The following SBF2 variants were observed in gnomAD, a reference collection of about 807,000 sequenced individuals.
SBF2 encodes SET binding factor 2.
SBF2 carries 112 observed loss-of-function variants against 225.2 expected under a neutral mutation model. The ratio of observed to expected loss-of-function variants is 0.50; its 90% CI spans 0.43 to 0.58. The LOEUF (loss-of-function observed/expected upper bound fraction) is 0.58, where lower values mean the gene tolerates loss of function less well. Ranked by LOEUF, SBF2 falls within the 20% of genes least tolerant of loss-of-function variation. The pLI, the probability that SBF2 is intolerant of heterozygous loss-of-function variation, is 0.00. For missense variants in SBF2, 1,996 were observed against 2,206.2 expected, an observed-to-expected ratio of 0.90 and a Z score of 1.91; for synonymous variants, 763 against 773.3, an observed-to-expected ratio of 0.99 and a Z score of 0.22.
chr11:10,260,640 T>C (rs1441617143), intron 1 of SBF2, among the ~76,000 whole-genome samples: 1 of 150,242 alleles, frequency 6.7e-6, no homozygotes, highest in Non-Finnish European at 1.5e-5. Context: ...GAGGCAGAGC[T>C]TGCAGTGAGC....
chr11:10,233,372 CTG>C (rs1359764140), intron 1 of SBF2, among the ~76,000 whole-genome samples: 1 of 152,032 alleles, frequency 6.6e-6, no homozygotes, highest in African/African-American at 2.4e-5. Flanking sequence ...AGTACAAGAA[CTG>C]TGTAGTCAAT....
At chr11:10,148,442 C>T (rs1442881448) in intron 2 of SBF2, among the ~76,000 whole-genome samples, 1 of 151,982 alleles carries the variant, frequency 6.6e-6, no homozygotes, top group Non-Finnish European at 1.5e-5. Flanking sequence ...CCCAAAAGAG[C>T]AAAGAGAGAA....
chr11:10,187,753 G>A (rs1156892608), intron 2 of SBF2, among the ~76,000 whole-genome samples: 1 of 151,502 alleles, frequency 6.6e-6, no homozygotes, highest in Non-Finnish European at 1.5e-5. Context: ...TGTAAATAAG[G>A]GGAAAAAAAA....
rs1852689789 is a variant in SBF2 at position 9,790,756 on chromosome 11, C to A, written c.4571-73G>T. Reference sequence around the variant, plus strand: ...TTTGCCAAAAAACGTATGATGCATGCAGCAGATAAAAAAGTGGAATATTTT... The same window carrying A: ...TTTGCCAAAAAACGTATGATGCATGAAGCAGATAAAAAAGTGGAATATTTT... On this transcript the variant is annotated intron_variant, in intron 33 of 39. Coordinates refer to ENST00000256190, the MANE Select transcript of SBF2 (RefSeq NM_030962.4). 6 of 1,170,076 alleles carry A rather than the reference C, an allele frequency of 5.1e-6. No homozygotes were observed. The African/African-American group carries it at 6.2e-5, about 12-fold the overall frequency. The allele number at this position is 1,170,076 out of a possible 1,614,324, so 72.5% of individuals were successfully genotyped here.
intron 1 of SBF2, among the ~76,000 whole-genome samples, chr11:10,239,886 G>A (rs1395717254): frequency 2.6e-5 from 4 of 152,114 alleles, no homozygotes; most frequent in African/African-American, 7.2e-5. Context: ...GCACATAAAT[G>A]TGTCTGTTTT....
intron 2 of SBF2, among the ~76,000 whole-genome samples, chr11:10,130,796 T>C (rs534282644): frequency 6.6e-6 from 1 of 152,322 alleles, no homozygotes; most frequent in South Asian, 2.1e-4. Context: ...ACAGTATGTG[T>C]CTTTTTGAGA....
intron 8 of SBF2, among the ~76,000 whole-genome samples, chr11:9,999,651 A>C (rs954083893): frequency 6.6e-6 from 1 of 152,184 alleles, no homozygotes; most frequent in Non-Finnish European, 1.5e-5. Flanking sequence ...TAGCAGAAAT[A>C]AAATTATGTA....
chr11:10,213,954 C>T lies in SBF2; in HGVS notation c.56-19967G>A, dbSNP rs536577824. 1.4e-3 allele frequency among the ~76,000 whole-genome samples: 216 copies of T among 152,222 alleles called. 2 individuals are homozygous for T. The highest frequency in any genetic ancestry group is 2.5e-3 in the South Asian group (12 of 4,822). On this transcript the variant is annotated intron_variant, in intron 1 of 39. Coordinates refer to ENST00000256190, the MANE Select transcript of SBF2 (RefSeq NM_030962.4). ...AACTTGTTGGATCAGACTCTGAACC[C>T]GATTTAGACTATGACAGTCCTAGAG...
chr11:9,984,689 G>A (rs1172733208), intron 13 of SBF2, among the ~76,000 whole-genome samples: 1 of 152,106 alleles, frequency 6.6e-6, no homozygotes, highest in African/African-American at 2.4e-5. Flanking sequence ...AGAAGCAACA[G>A]GTAACCTATA....
chr11:10,097,156 T>A (rs1049480325), intron 2 of SBF2, among the ~76,000 whole-genome samples: 3 of 152,134 alleles, frequency 2.0e-5, no homozygotes, highest in African/African-American at 7.2e-5. Flanking sequence ...CTTGAGGAAA[T>A]GAGTTCACCC....
chr11:10,142,434 T>G (rs1349126904), intron 2 of SBF2, among the ~76,000 whole-genome samples: 2 of 152,214 alleles, frequency 1.3e-5, no homozygotes, highest in African/African-American at 4.8e-5. Context: ...AGCCACGGGT[T>G]GTAAGAATAA....
chr11:10,206,046 C>T (rs183834333), intron 1 of SBF2, among the ~76,000 whole-genome samples: 43 of 151,924 alleles, frequency 2.8e-4, no homozygotes, highest in Admixed American at 2.8e-3. Flanking sequence ...GTCAGAATCT[C>T]TCATGTACTC....
At chr11:9,920,582 A>G (rs1170460521) in intron 16 of SBF2, among the ~76,000 whole-genome samples, 1 of 152,206 alleles carries the variant, frequency 6.6e-6, no homozygotes, top group Non-Finnish European at 1.5e-5. Context: ...ATTGAGTTAT[A>G]AAGTATCTTC....
At chr11:10,236,218 C>G (rs779094068) in intron 1 of SBF2, among the ~76,000 whole-genome samples, 1 of 152,148 alleles carries the variant, frequency 6.6e-6, no homozygotes, top group African/African-American at 2.4e-5. Flanking sequence ...TTGGGAGGCC[C>G]AAGCAGGAGG....
intron 6 of SBF2, chr11:10,017,021 TG>T (rs1476839593): frequency 1.3e-5 from 2 of 152,198 alleles, no homozygotes; most frequent in African/African-American, 4.8e-5. Flanking sequence ...AAAACAGACA[TG>T]CCAGTGATAA....
At chr11:10,176,905 C>A (rs1956491608) in intron 2 of SBF2, among the ~76,000 whole-genome samples, 1 of 152,164 alleles carries the variant, frequency 6.6e-6, no homozygotes, top group South Asian at 2.1e-4. Flanking sequence ...AAATTTTAGA[C>A]CAATACCCTT....
At chr11:9,982,760 G>A (rs540426708) in intron 13 of SBF2, among the ~76,000 whole-genome samples, 1 of 152,344 alleles carries the variant, frequency 6.6e-6, no homozygotes, top group African/African-American at 2.4e-5. Context: ...TACTGTGAGT[G>A]CCCCAACTGT....
intron 2 of SBF2, among the ~76,000 whole-genome samples, chr11:10,157,748 T>C (rs1209605122): frequency 3.3e-5 from 5 of 152,160 alleles, no homozygotes; most frequent in Non-Finnish European, 7.3e-5. Context: ...CCTGAAATCA[T>C]ATCCCCCTGC....
At chr11:9,906,167 C>G (rs529970092) in intron 16 of SBF2, among the ~76,000 whole-genome samples, 1 of 152,170 alleles carries the variant, frequency 6.6e-6, no homozygotes, top group Non-Finnish European at 1.5e-5. Flanking sequence ...AACAGAAATG[C>G]CTTGCATGTT....
Sources: gnomAD v4.1 joint callset for allele counts (sites outside exome capture counted in the v4.1 genomes callset) on GRCh38, gnomAD v4.1.1 for gene constraint, MANE v1.5 for transcripts, NCBI Gene and HGNC (gene_info 2026-07-23, HGNC 2026-07-21) for gene names.